Variants in CSMD1 observed in about 807,000 individuals in gnomAD.
CSMD1 encodes CUB and Sushi multiple domains 1.
CSMD1 carries 213 observed loss-of-function variants against 417.5 expected under a neutral mutation model. That is an observed-to-expected ratio of 0.51 (90% confidence interval 0.46 to 0.57). The LOEUF is 0.57. CSMD1 is among the 20% of genes least tolerant of loss of function. The pLI is 0.00. For synonymous variants in CSMD1, 2,862 were observed against 1,736.8 expected (o/e 1.65, Z -16.11); for missense variants, 6,923 against 4,529.7 (o/e 1.53, Z -15.17).
At chr8:3,144,796 G>A (rs1356455040) in intron 40 of CSMD1, among the ~76,000 whole-genome samples, 3 of 120,962 alleles carry the variant, frequency 2.5e-5, no homozygotes, top group Admixed American at 7.9e-5. Flanking sequence ...AGGCAACAAG[G>A]GGGGGGGGGA....
At chr8:4,294,751 C>G (rs1199405406) in intron 3 of CSMD1, among the ~76,000 whole-genome samples, 1 of 151,920 alleles carries the variant, frequency 6.6e-6, no homozygotes, top group Non-Finnish European at 1.5e-5. Flanking sequence ...AATTAGATGA[C>G]TTTCTAAATT....
chr8:4,676,704 C>A (rs1003637598), intron 1 of CSMD1, among the ~76,000 whole-genome samples: 1 of 151,982 alleles, frequency 6.6e-6, no homozygotes, highest in African/African-American at 2.4e-5. Flanking sequence ...AATGTCACGT[C>A]ATAGTTTGTG....
At chr8:3,983,758 G>A (rs1344989443) in intron 5 of CSMD1, among the ~76,000 whole-genome samples, 4 of 152,202 alleles carry the variant, frequency 2.6e-5, no homozygotes, top group African/African-American at 9.7e-5. Context: ...CATCTGATGG[G>A]GCTGTCAACT....
At chr8:4,299,264 C>G (rs1032545647) in intron 3 of CSMD1, among the ~76,000 whole-genome samples, 3 of 151,938 alleles carry the variant, frequency 2.0e-5, no homozygotes, top group Non-Finnish European at 2.9e-5. Flanking sequence ...AATTTAAAAC[C>G]GTCGGATAAG....
At chr8:4,260,094 G>C (rs752138909) in intron 3 of CSMD1, among the ~76,000 whole-genome samples, 3 of 151,648 alleles carry the variant, frequency 2.0e-5, no homozygotes, top group Non-Finnish European at 4.4e-5. Context: ...CATTTTACTA[G>C]AAATTGCTAG....
intron 1 of CSMD1, among the ~76,000 whole-genome samples, chr8:4,809,515 T>G: frequency 6.6e-6 from 1 of 152,152 alleles, no homozygotes; most frequent in Non-Finnish European, 1.5e-5. Context: ...AATCTCAGAC[T>G]AAGTTCTACT....
At chr8:4,958,759 C>T (rs1246512414) in intron 1 of CSMD1, among the ~76,000 whole-genome samples, 2 of 152,036 alleles carry the variant, frequency 1.3e-5, no homozygotes, top group East Asian at 3.8e-4. Flanking sequence ...GTAATTTCCC[C>T]CTGTTTCAAA....
chr8:4,470,918 T>C (rs944642128), intron 2 of CSMD1, among the ~76,000 whole-genome samples: 2 of 152,214 alleles, frequency 1.3e-5, no homozygotes, highest in African/African-American at 2.4e-5. Flanking sequence ...TTAGTATGAA[T>C]GTGTAAATAA....
chr8:3,114,095 T>C (rs930682300), intron 42 of CSMD1, among the ~76,000 whole-genome samples: 7 of 151,876 alleles, frequency 4.6e-5, no homozygotes, highest in African/African-American at 1.7e-4. Flanking sequence ...AAAACATTAA[T>C]TATCCATGCA....
chr8:3,523,681 CCA>C (rs1797611962), intron 10 of CSMD1, among the ~76,000 whole-genome samples: 2 of 134,872 alleles, frequency 1.5e-5, no homozygotes, highest in Admixed American at 1.5e-4. Context: ...ACACGTACAC[CCA>C]GAGAGACATA....
chr8:3,390,242 C>A (rs1271646540), intron 17 of CSMD1, among the ~76,000 whole-genome samples: 8 of 149,134 alleles, frequency 5.4e-5, no homozygotes, highest in East Asian at 4.0e-4. Flanking sequence ...GGAATCCCAG[C>A]TACTTGGGAG....
chr8:3,842,509 G>A (rs1201131958), intron 5 of CSMD1, among the ~76,000 whole-genome samples: 1 of 152,126 alleles, frequency 6.6e-6, no homozygotes, highest in Non-Finnish European at 1.5e-5. Context: ...TTCTAGGGAA[G>A]AAGTGGGTTC....
chr8:4,317,946 T>A (rs1181840335), intron 3 of CSMD1, among the ~76,000 whole-genome samples: 1 of 152,178 alleles, frequency 6.6e-6, no homozygotes, highest in East Asian at 1.9e-4. Context: ...ATGTTGCCGT[T>A]CCGAATTTAA....
At position 4,913,382 on chromosome 8, in the gene CSMD1, T is replaced by G. The variant is rs118125022; in HGVS notation, c.85+80950A>C. Among the ~76,000 whole-genome samples the G allele has an allele frequency of 8.2e-3, 1,244 of 152,296 alleles. 36 individuals are homozygous for G. Among genetic ancestry groups the G allele is most frequent in the Admixed American group, 0.052 (795 of 15,298 alleles). The stretch of plus-strand genomic sequence containing the variant: ...TGTTTCTGGCGGGGGACCATTGCTT[T>G]TTCTTGATTGTTTTCCTAATTCCTA... On this transcript the variant is annotated intron_variant, in intron 1 of 69. Transcript: ENST00000635120.
intron 5 of CSMD1, among the ~76,000 whole-genome samples, chr8:3,800,786 G>T (rs867185505): frequency 1.3e-5 from 2 of 152,002 alleles, no homozygotes; most frequent in Non-Finnish European, 2.9e-5. Context: ...CCTCATGTTT[G>T]GCTGTATTTT....
chr8:3,946,386 T>C (rs1811225184), intron 5 of CSMD1, among the ~76,000 whole-genome samples: 1 of 152,178 alleles, frequency 6.6e-6, no homozygotes, highest in African/African-American at 2.4e-5. Context: ...CTCTGGATTT[T>C]CTCGTCTATA....
intron 2 of CSMD1, among the ~76,000 whole-genome samples, chr8:4,423,820 T>A (rs1217089666): frequency 6.6e-6 from 1 of 152,092 alleles, no homozygotes; most frequent in Non-Finnish European, 1.5e-5. Flanking sequence ...ACTTATTTTA[T>A]ATCTACAACG....
At chr8:3,725,991 G>C (rs920328157) in intron 6 of CSMD1, among the ~76,000 whole-genome samples, 1 of 152,162 alleles carries the variant, frequency 6.6e-6, no homozygotes, top group African/African-American at 2.4e-5. Context: ...TGTGACTACG[G>C]AGACCGGGTC....
intron 1 of CSMD1, among the ~76,000 whole-genome samples, chr8:4,892,358 T>C (rs557837028): frequency 1.3e-5 from 2 of 151,996 alleles, no homozygotes; most frequent in East Asian, 3.9e-4. Flanking sequence ...GCAAGAAAAA[T>C]GGTGTGAACA....
Sources: allele counts gnomAD v4.1 joint callset (sites outside exome capture counted in the v4.1 genomes callset), GRCh38; gene constraint gnomAD v4.1.1; transcripts MANE v1.5; gene names NCBI Gene and HGNC (gene_info 2026-07-23, HGNC 2026-07-21).